Variants in CCDC27 observed in about 807,000 individuals in gnomAD.
CCDC27 encodes coiled-coil domain containing 27, also known as coiled-coil domain-containing protein 27.
Under a neutral mutation model 80.3 loss-of-function variants are expected in CCDC27, and 80 were observed. That is an observed-to-expected ratio of 1.00 (90% CI 0.83 to 1.20). CCDC27 has a LOEUF of 1.20. Among genes scored for constraint, CCDC27 ranks in the 50% most tolerant of loss-of-function variants. The pLI is 0.00. For synonymous variants in CCDC27, 342 were observed against 334.3 expected (o/e 1.02, Z -0.25); for missense variants, 815 against 809.4 (o/e 1.01, Z -0.08).
intron 1 of CCDC27, among the ~76,000 whole-genome samples, chr1:3,753,357 CTT>C (rs1475933759): frequency 7.8e-6 from 1 of 127,676 alleles, no homozygotes; most frequent in East Asian, 2.2e-4. Flanking sequence ...GAGTTTCACT[CTT>C]GTCACCCGGG....
In CCDC27 at chr1:3,771,469, G is replaced by A. The variant is rs1006407610; in HGVS notation, c.1917G>A (p.Leu639=). ...AGAAAGGCGTCAAAGTGCCCCCCCTGCAACAGTCAGAGGCCTTCCTGACCA... is the reference window on the plus strand; with the variant it reads ...AGAAAGGCGTCAAAGTGCCCCCCCTACAACAGTCAGAGGCCTTCCTGACCA... ...LKQKGVKVPP[L]QQSEAFLTSK... is the part of the protein sequence containing the mutation. The change falls in exon 12 of 12, where the codon CTG becomes CTA. Residue 639 remains leucine (L), a synonymous_variant. Transcript: ENST00000294600. 2 of 1,613,668 alleles carry A rather than the reference G, an allele frequency of 1.2e-6. No homozygotes were observed. Among genetic ancestry groups the A allele is most frequent in the Non-Finnish European group, 1.7e-6 (2 of 1,179,722 alleles).
chr1:3,769,964 G>A lies in CCDC27; in HGVS notation c.1848+77G>A, dbSNP rs777965803. 8 of 1,043,504 alleles carry A rather than the reference G, an allele frequency of 7.7e-6. No individual in the cohort carries two copies. Among genetic ancestry groups the A allele is most frequent in the South Asian group, 1.3e-5 (1 of 79,392 alleles). The allele number at this position is 1,043,504 out of a possible 1,614,324, so 64.6% of individuals were successfully genotyped here. ...GAGCTGTGGTAGGGGGTTGTGGGGG[G>A]CCTAGATTCCAGGGACTCTGTTCTC... On this transcript the variant is annotated intron_variant, in intron 11 of 11. Transcript: ENST00000294600. The surrounding 1 kb of genome is among the most constrained non-coding windows in gnomAD (Gnocchi z 4.6).
intron 1 of CCDC27, among the ~76,000 whole-genome samples, chr1:3,753,314 CT>C (rs1280082559): frequency 1.8e-5 from 2 of 110,070 alleles, no homozygotes; most frequent in Non-Finnish European, 1.9e-5. Flanking sequence ...TTCTTTTTTT[CT>C]TTTTCTTTTT....
At chr1:3,758,499 G>T (rs770240995) in intron 4 of CCDC27, among the ~76,000 whole-genome samples, 1 of 149,512 alleles carries the variant, frequency 6.7e-6, no homozygotes, top group Non-Finnish European at 1.5e-5. Flanking sequence ...ATTTTTTAGA[G>T]AAAGGGTCTC....
intron 6 of CCDC27, 60 bp downstream of exon 6, chr1:3,762,772 G>A: frequency 2.1e-6 from 3 of 1,443,442 alleles, no homozygotes; most frequent in Non-Finnish European, 2.8e-6. Context: ...AGCCACCTAG[G>A]CTGCTTAACT....
Position 3,769,997 on chromosome 1 carries a change from C to G in CCDC27, c.1848+110C>G. 3.9e-6 allele frequency: 3 copies of G among 770,100 alleles called. No individual in the cohort carries two copies. The allele number at this position is 770,100 out of a possible 1,614,324, so 47.7% of individuals were successfully genotyped here. On this transcript the variant is annotated intron_variant, in intron 11 of 11. Coordinates refer to ENST00000294600, the MANE Select transcript of CCDC27 (RefSeq NM_152492.3). The surrounding 1 kb of genome is among the most constrained non-coding windows in gnomAD (Gnocchi z 4.6). ...TCCAGGGACTCTGTTCTCATCCTAC[C>G]TGTGTCACCTATTCACTTGGACCCC...
Position 3,766,494 on chromosome 1 carries a change from A to G in CCDC27, c.1453-41A>G. 3.4e-6 allele frequency: 5 copies of G among 1,457,802 alleles called. No individual in the cohort carries two copies. Among genetic ancestry groups the G allele is most frequent in the Non-Finnish European group, 4.8e-6 (5 of 1,046,940 alleles). The allele number at this position is 1,457,802 out of a possible 1,614,324, so 90.3% of individuals were successfully genotyped here. ...TGCCGGAATTCAGTCTGTTATCTAA[A>G]CCTGGGAGTCCCCCAAGCCAACCCT... is the stretch of plus-strand genomic sequence containing the variant. On this transcript the variant is annotated intron_variant, in intron 8 of 11. Transcript: ENST00000294600. This position sits in a 1 kb window ranked among gnomAD's most constrained non-coding sequence, Gnocchi z 6.1.
rs76582618 is a variant in CCDC27, at chr1:3,760,304, C to A, written c.712-977C>A. ...ATTCCCCAAATGTTAAATGTGGCCA[C>A]GTTTGCTTTATCCTTCTCTCCTCTC... On this transcript the variant is annotated intron_variant, in intron 4 of 11. Coordinates refer to ENST00000294600, the MANE Select transcript of CCDC27 (RefSeq NM_152492.3). The surrounding 1 kb of genome is among the most constrained non-coding windows in gnomAD (Gnocchi z 4.3). 6.6e-6 allele frequency among the ~76,000 whole-genome samples: 1 copy of A among 152,094 alleles called. No individual in the cohort carries two copies. The highest frequency in any genetic ancestry group is 2.4e-5 in the African/African-American group (1 of 41,402).
rs570352821 is a variant in CCDC27, at chr1:3,769,399, G to A, written c.1744-384G>A. Reference sequence around the variant, plus strand: ...AGTGTCCCCAAGGGCCAGGAAGTCCGCTCACTGCAGCTCCCCTGGGCAGTG... The same window carrying A: ...AGTGTCCCCAAGGGCCAGGAAGTCCACTCACTGCAGCTCCCCTGGGCAGTG... On this transcript the variant is annotated intron_variant, in intron 10 of 11. Transcript: ENST00000294600. The surrounding 1 kb of genome is among the most constrained non-coding windows in gnomAD (Gnocchi z 4.6). 1.4e-4 allele frequency among the ~76,000 whole-genome samples: 21 copies of A among 152,292 alleles called. No individual in the cohort carries two copies. The South Asian group carries it at 3.3e-3, about 24-fold the overall frequency.
intron 8 of CCDC27, among the ~76,000 whole-genome samples, chr1:3,764,208 T>C (rs1448211934): frequency 6.6e-6 from 1 of 152,240 alleles, no homozygotes; most frequent in Non-Finnish European, 1.5e-5. Context: ...GAGCCCACTC[T>C]TGTCGTTTTT....
At position 3,769,899 on chromosome 1, in the gene CCDC27, A is replaced by G. The variant is rs766017904; in HGVS notation, c.1848+12A>G. On this transcript the variant is annotated intron_variant, in intron 11 of 11. Transcript: ENST00000294600. The surrounding 1 kb of genome is among the most constrained non-coding windows in gnomAD (Gnocchi z 4.6). Reference sequence around the variant, plus strand: ...TGGAAGCCCTGCAGGTATACCCCTAAGCTCAGCTGCCTCTATCCGGGCCCC... The same window carrying G: ...TGGAAGCCCTGCAGGTATACCCCTAGGCTCAGCTGCCTCTATCCGGGCCCC... 1 of 1,601,240 alleles carries G rather than the reference A, an allele frequency of 6.2e-7. No homozygotes were observed. The highest frequency in any genetic ancestry group is 8.6e-7 in the Non-Finnish European group (1 of 1,168,414).
rs535655116 is a variant in CCDC27 at position 3,769,456 on chromosome 1, G to A, written c.1744-327G>A. On this transcript the variant is annotated intron_variant, in intron 10 of 11. Transcript: ENST00000294600. This position sits in a 1 kb window ranked among gnomAD's most constrained non-coding sequence, Gnocchi z 4.6. ...GGTCCAGGGGTTACGTGCGGCTTCTGTACTATTTTGGTTTGTTGGTTTAAA... is the reference window on the plus strand; with the variant it reads ...GGTCCAGGGGTTACGTGCGGCTTCTATACTATTTTGGTTTGTTGGTTTAAA... 6.6e-6 allele frequency among the ~76,000 whole-genome samples: 1 copy of A among 152,284 alleles called. No individual in the cohort carries two copies. Among genetic ancestry groups the A allele is most frequent in the South Asian group, 2.1e-4 (1 of 4,832 alleles).
intron 4 of CCDC27, among the ~76,000 whole-genome samples, chr1:3,759,472 T>A (rs933709673): frequency 6.6e-6 from 1 of 152,240 alleles, no homozygotes; most frequent in African/African-American, 2.4e-5. Context: ...CCCATTGGTC[T>A]CATTGGAGTT....
rs538964513 is a variant in CCDC27, at chr1:3,766,424, C to T, written c.1453-111C>T. 59 of 665,506 alleles carry T rather than the reference C, an allele frequency of 8.9e-5. No homozygotes were observed. The highest frequency in any genetic ancestry group is 2.5e-4 in the Middle Eastern group (1 of 4,002). 41.2% of individuals were successfully genotyped at this position (665,506 alleles called of 1,614,324 possible). A position where few individuals can be genotyped will look rare whatever the true frequency, so the allele number is the denominator to read the frequency against. On this transcript the variant is annotated intron_variant, in intron 8 of 11. Transcript: ENST00000294600. This position sits in a 1 kb window ranked among gnomAD's most constrained non-coding sequence, Gnocchi z 6.1. The stretch of plus-strand genomic sequence containing the variant: ...TTCTCCCTGCCTTCAATAGAAATCC[C>T]GCTGCTATTATTTTAGGGAGCTTTG...
Position 3,761,358 on chromosome 1 carries a change from G to A in CCDC27, c.789G>A (p.Glu263=), listed in dbSNP as rs529112190. 1 of 1,614,190 alleles carries A rather than the reference G, an allele frequency of 6.2e-7. No homozygotes were observed. The highest frequency in any genetic ancestry group is 1.3e-5 in the African/African-American group (1 of 75,064). The change falls in exon 5 of 12, where the codon GAG becomes GAA. Residue 263 remains glutamate, a synonymous_variant. Transcript: ENST00000294600. This position sits in a 1 kb window ranked among gnomAD's most constrained non-coding sequence, Gnocchi z 5.0. Reference sequence around the variant, plus strand: ...TCCTGCTGCTCCAGGAGGAGAGGGAGGCCCTGAAGATGCAGCTGAAATGCC... The same window carrying A: ...TCCTGCTGCTCCAGGAGGAGAGGGAAGCCCTGAAGATGCAGCTGAAATGCC... The part of the protein sequence containing the change: ...EEILLLQEER[E]ALKMQLKCLL...
Position 3,754,180 on chromosome 1 carries a change from C to CT in CCDC27, c.383dup (p.Thr130HisfsTer4), listed in dbSNP as rs1642894858. The CT allele has an allele frequency of 6.2e-7, 1 of 1,613,692 alleles. No individual in the cohort carries two copies. Among genetic ancestry groups the CT allele is most frequent in the African/African-American group, 1.3e-5 (1 of 74,824 alleles). ...TGTCCAAAATGGAACTTCGAAGGGT[C>CT]TTCCCCACGCATCCTGACTGCCCCC... is the stretch of plus-strand genomic sequence containing the variant. On this transcript the variant is annotated frameshift_variant, in exon 2 of 12. Transcript: ENST00000294600. LOFTEE classifies it high-confidence loss of function.
At position 3,763,340 on chromosome 1, in the gene CCDC27, C is replaced by G. The variant is rs746514560; in HGVS notation, c.1187C>G (p.Pro396Arg). 1 of 1,612,904 alleles carries G rather than the reference C, an allele frequency of 6.2e-7. No individual in the cohort carries two copies. Among genetic ancestry groups the G allele is most frequent in the Non-Finnish European group, 8.5e-7 (1 of 1,179,854 alleles). The change falls in exon 7 of 12, where the codon CCC (proline) becomes CGC (arginine). Residue 396 changes from proline (P) to arginine (R), a missense_variant. Coordinates refer to ENST00000294600, the MANE Select transcript of CCDC27 (RefSeq NM_152492.3). The surrounding 1 kb of genome is among the most constrained non-coding windows in gnomAD (Gnocchi z 7.5). Reference sequence around the variant, plus strand: ...GAGCTGCCGGAGGAAGAGGAGATCCCCAGGAGAAGGGCCTCCTCCCTGGCC... The same window carrying G: ...GAGCTGCCGGAGGAAGAGGAGATCCGCAGGAGAAGGGCCTCCTCCCTGGCC... ...ERELPEEEEI[P>R]RRRASSLAES...
chr1:3,753,306 CT>C (rs947054861), intron 1 of CCDC27, among the ~76,000 whole-genome samples: 1 of 142,226 alleles, frequency 7.0e-6, no homozygotes, highest in African/African-American at 2.6e-5. Context: ...ACTATGGTTT[CT>C]TTTTTTCTTT....
rs1217173248 is a variant in CCDC27, at chr1:3,756,736, A to T, written c.557A>T (p.Tyr186Phe). 6.2e-7 allele frequency: 1 copy of T among 1,613,768 alleles called. No individual in the cohort carries two copies. The highest frequency in any genetic ancestry group is 1.7e-5 in the Admixed American group (1 of 60,000). The change falls in exon 4 of 12, where the codon TAC (tyrosine) becomes TTC (phenylalanine). Residue 186 changes from tyrosine (Y) to phenylalanine (F), a missense_variant. Physicochemically the swap from Tyr to Phe is conservative, Grantham distance 22 (BLOSUM62 3). Transcript: ENST00000294600. ...TTGGCCTCCGCTGTCGCCACAGGGT[A>T]CCTCCTTCCCTTCAGTAAGAGCATC... ...RRGSDTNVDG[Y>F]LLPFSKSICE...
Sources: gnomAD v4.1 joint callset for allele counts (sites outside exome capture counted in the v4.1 genomes callset) on GRCh38, gnomAD v4.1.1 for gene constraint, Gnocchi (gnomAD v3.1) non-coding constraint, MANE v1.5 for transcripts, NCBI Gene and HGNC (gene_info 2026-07-23, HGNC 2026-07-21) for gene names.